FOXN3: variants seen among roughly 807,000 people sequenced by gnomAD.
FOXN3 encodes the protein forkhead box protein N3.
In FOXN3, 7 loss-of-function variants were observed where a neutral mutation model predicts 38.4. That is an observed-to-expected ratio of 0.18 (90% CI 0.10 to 0.34). The LOEUF (loss-of-function observed/expected upper bound fraction) is 0.34. Among genes scored for constraint, FOXN3 ranks in the 10% least tolerant of loss-of-function variants. The probability of loss-of-function intolerance (pLI) is 1.00; values close to 1 mark genes in which losing one functional copy is unlikely to be tolerated. For missense variants in FOXN3, 456 were observed against 613.4 expected, an observed-to-expected ratio of 0.74 and a Z score of 2.71; for synonymous variants, 230 against 242.2, an observed-to-expected ratio of 0.95 and a Z score of 0.47.
intron 4 of FOXN3, among the ~76,000 whole-genome samples, chr14:89,237,526 A>AT (rs35936455): frequency 0.33 from 49,642 of 152,146 alleles, 8,490 homozygotes; most frequent in South Asian, 0.45. Context: ...TATCTTGACT[A>AT]TATCAATGTC....
intron 1 of FOXN3, among the ~76,000 whole-genome samples, chr14:89,575,857 C>T (rs1596322450): frequency 6.6e-6 from 1 of 152,322 alleles, no homozygotes; most frequent in East Asian, 1.9e-4. Flanking sequence ...GGCTGGCAAC[C>T]GCCCTCCGGC....
At chr14:89,434,898 A>ACC (rs1892243327) in intron 1 of FOXN3, among the ~76,000 whole-genome samples, 1 of 152,066 alleles carries the variant, frequency 6.6e-6, no homozygotes, top group African/African-American at 2.4e-5. Context: ...AACACCACTG[A>ACC]CCCTCACACC....
intron 4 of FOXN3, among the ~76,000 whole-genome samples, chr14:89,248,530 G>A (rs950579704): frequency 6.6e-6 from 1 of 152,204 alleles, no homozygotes. Context: ...AAAAGCTGCT[G>A]TATTTACAGA....
At chr14:89,489,356 C>T (rs1893524875) in intron 1 of FOXN3, among the ~76,000 whole-genome samples, 1 of 152,194 alleles carries the variant, frequency 6.6e-6, no homozygotes, top group Non-Finnish European at 1.5e-5. Context: ...TACTAATTAA[C>T]ACTTGTTATC....
chr14:89,259,818 G>C (rs962358255), intron 4 of FOXN3, among the ~76,000 whole-genome samples: 1 of 152,196 alleles, frequency 6.6e-6, no homozygotes, highest in African/African-American at 2.4e-5. Flanking sequence ...GGTTGTCACA[G>C]AACATCTGGA....
At chr14:89,349,965 A>G (rs1314134775) in intron 3 of FOXN3, among the ~76,000 whole-genome samples, 4 of 152,180 alleles carry the variant, frequency 2.6e-5, no homozygotes, top group Non-Finnish European at 5.9e-5. Context: ...CTTCAAATTC[A>G]AGTACTATGT....
chr14:89,604,206 A>AACACACACACAC (rs58288291), intron 1 of FOXN3, among the ~76,000 whole-genome samples: 2 of 146,792 alleles, frequency 1.4e-5, no homozygotes, highest in African/African-American at 5.0e-5. Context: ...AGCAAAACAA[A>AACACACACACAC]ACACACACAC....
At chr14:89,346,481 C>G (rs145890616) in intron 3 of FOXN3, among the ~76,000 whole-genome samples, 82 of 152,262 alleles carry the variant, frequency 5.4e-4, no homozygotes, top group Non-Finnish European at 1.1e-3. Flanking sequence ...AATGTCCCTG[C>G]TGAAGGACAA....
At chr14:89,467,814 T>TTG (rs1555355573) in intron 1 of FOXN3, among the ~76,000 whole-genome samples, 14 of 129,010 alleles carry the variant, frequency 1.1e-4, no homozygotes, top group East Asian at 4.4e-4. Flanking sequence ...GTTTTTTTTT[T>TTG]TTTTTTTTTT....
At chr14:89,501,890 G>A (rs1387836053) in intron 1 of FOXN3, among the ~76,000 whole-genome samples, 5 of 151,890 alleles carry the variant, frequency 3.3e-5, no homozygotes, top group African/African-American at 1.2e-4. Flanking sequence ...ATACGGCCAG[G>A]TGCGATGGCT....
chr14:89,351,587 T>A (rs961344980), intron 2 of FOXN3, among the ~76,000 whole-genome samples: 2 of 152,214 alleles, frequency 1.3e-5, no homozygotes, highest in African/African-American at 4.8e-5. Context: ...AGCCTATTTT[T>A]AAAAATGTAA....
intron 4 of FOXN3, among the ~76,000 whole-genome samples, chr14:89,211,411 CTCATT>C (rs1439494395): frequency 6.6e-6 from 1 of 152,230 alleles, no homozygotes; most frequent in Non-Finnish European, 1.5e-5. Context: ...ACCACTGAAT[CTCATT>C]AGTGTCCTGG....
In FOXN3 at chr14:89,444,548, T is replaced by C. The variant is rs141272659; in HGVS notation, c.-14-32058A>G. ...TCACAAGTAGGAGAAACGGTTATTA[T>C]AGTGAGCATGAAGGCGGCTGTATCT... On this transcript the variant is annotated intron_variant, in intron 1 of 6. Transcript: ENST00000345097. 6.9e-3 allele frequency among the ~76,000 whole-genome samples: 1,052 copies of C among 152,244 alleles called. 9 individuals are homozygous for C. Among genetic ancestry groups the C allele is most frequent in the African/African-American group, 0.024 (1,003 of 41,544 alleles).
At chr14:89,332,219 G>C (rs944049733) in intron 3 of FOXN3, among the ~76,000 whole-genome samples, 3 of 151,988 alleles carry the variant, frequency 2.0e-5, no homozygotes, top group Admixed American at 6.6e-5. Flanking sequence ...CGCAGAGAGG[G>C]GCAGACACCC....
chr14:89,349,695 T>C (rs1367142419), intron 3 of FOXN3: 1 of 152,620 alleles, frequency 6.6e-6, no homozygotes, highest in Non-Finnish European at 1.5e-5. Flanking sequence ...TGTGATGGAA[T>C]GCTTCTCAAC....
At chr14:89,301,098 C>G (rs960847813) in intron 3 of FOXN3, among the ~76,000 whole-genome samples, 1 of 152,146 alleles carries the variant, frequency 6.6e-6, no homozygotes, top group African/African-American at 2.4e-5. Flanking sequence ...CCACTGCACC[C>G]AGCCTCAGAT....
chr14:89,312,414 CA>C (rs200382579), intron 3 of FOXN3, among the ~76,000 whole-genome samples: 6 of 149,518 alleles, frequency 4.0e-5, no homozygotes, highest in Admixed American at 6.7e-5. Flanking sequence ...AAAATCAAGC[CA>C]AAAAAAAATC....
At chr14:89,480,976 A>C (rs1420375980) in intron 1 of FOXN3, among the ~76,000 whole-genome samples, 1 of 152,080 alleles carries the variant, frequency 6.6e-6, no homozygotes, top group African/African-American at 2.4e-5. Context: ...TTTGGTTTTG[A>C]ACACTGATTA....
intron 3 of FOXN3, among the ~76,000 whole-genome samples, chr14:89,305,973 G>C (rs1157072029): frequency 1.3e-5 from 2 of 152,190 alleles, no homozygotes; most frequent in Non-Finnish European, 2.9e-5. Context: ...AAGCAGCTGA[G>C]AGACCTAAGC....
Sources: gnomAD v4.1 joint callset for allele counts (sites outside exome capture counted in the v4.1 genomes callset) on GRCh38, gnomAD v4.1.1 for gene constraint, MANE v1.5 for transcripts, NCBI Gene and HGNC (gene_info 2026-07-23, HGNC 2026-07-21) for gene names.